Variants in VAPB observed in about 807,000 individuals in gnomAD.
VAPB encodes the protein vesicle-associated membrane protein-associated protein B/C.
VAPB carries 7 observed loss-of-function variants against 25.6 expected under a neutral mutation model. The observed-to-expected ratio is 0.27, with a 90% CI of 0.16 to 0.51. The LOEUF (loss-of-function observed/expected upper bound fraction) is 0.51. Among genes scored for constraint, VAPB ranks in the 20% least tolerant of loss-of-function variants. The pLI is 0.97. For synonymous variants in VAPB, 112 were observed against 109.2 expected (o/e 1.03, Z -0.16); for missense variants, 266 against 301.3 (o/e 0.88, Z 0.87).
chr20:58,420,937 A>G (rs983340188), intron 2 of VAPB, among the ~76,000 whole-genome samples: 2 of 152,226 alleles, frequency 1.3e-5, no homozygotes, highest in African/African-American at 4.8e-5. Context: ...TGGTATTAAT[A>G]CAGCTACATG....
Position 58,448,620 on chromosome 20 carries a change from T to C in VAPB, c.*4385T>C. On this transcript the variant is annotated 3_prime_UTR_variant, in exon 6 of 6. Transcript: ENST00000475243. ...TGAAAATCTGCTTCAGGGAAGTGAG[T>C]GGATGAGGCCTTCCTGCCTCAGCTA... 2.2e-6 allele frequency: 1 copy of C among 454,036 alleles called. No individual in the cohort carries two copies. Among genetic ancestry groups the C allele is most frequent in the Non-Finnish European group, 4.4e-6 (1 of 226,764 alleles). 28.1% of individuals were successfully genotyped at this position (454,036 alleles called of 1,614,324 possible). A position where few individuals can be genotyped will look rare whatever the true frequency, so the allele number is the denominator to read the frequency against.
intron 1 of VAPB, among the ~76,000 whole-genome samples, chr20:58,392,819 T>A (rs993545750): frequency 6.6e-6 from 1 of 152,316 alleles, no homozygotes; most frequent in Admixed American, 6.5e-5. Context: ...AATTTAAGGA[T>A]GTTACAGAAG....
chr20:58,409,115 A>G (rs1039749241), intron 1 of VAPB, among the ~76,000 whole-genome samples: 12 of 152,210 alleles, frequency 7.9e-5, no homozygotes, highest in Non-Finnish European at 2.9e-5. Context: ...TTGTTCATTC[A>G]GCAAATATAT....
Position 58,389,320 on chromosome 20 carries a change from C to T in VAPB, c.-140C>T. 1.2e-6 allele frequency: 1 copy of T among 855,080 alleles called. No individual in the cohort carries two copies. Among genetic ancestry groups the T allele is most frequent in the Non-Finnish European group, 1.9e-6 (1 of 538,120 alleles). The allele number at this position is 855,080 out of a possible 1,614,324, so 53.0% of individuals were successfully genotyped here. A position where few individuals can be genotyped will look rare whatever the true frequency, so the allele number is the denominator to read the frequency against. On this transcript the variant is annotated 5_prime_UTR_variant, in exon 1 of 6. Transcript: ENST00000475243. ...TAGACCGACCCCCCCCCAGCGCGCCCACCCGGTAGAGGACCCCCGCCCGTG... is the reference window on the plus strand; with the variant it reads ...TAGACCGACCCCCCCCCAGCGCGCCTACCCGGTAGAGGACCCCCGCCCGTG...
At chr20:58,428,478 C>T (rs1988856587) in intron 2 of VAPB, among the ~76,000 whole-genome samples, 1 of 152,056 alleles carries the variant, frequency 6.6e-6, no homozygotes, top group Admixed American at 6.6e-5. Flanking sequence ...TCTCAGGACC[C>T]CTTTAAATTC....
At chr20:58,406,501 C>G (rs1226805031) in intron 1 of VAPB, among the ~76,000 whole-genome samples, 1 of 152,212 alleles carries the variant, frequency 6.6e-6, no homozygotes, top group East Asian at 1.9e-4. Context: ...AGATTACACA[C>G]TAACTGATAA....
intron 1 of VAPB, among the ~76,000 whole-genome samples, chr20:58,413,800 C>A (rs1280775501): frequency 6.8e-6 from 1 of 147,722 alleles, no homozygotes; most frequent in Non-Finnish European, 1.5e-5. Flanking sequence ...CCCTCCCGGA[C>A]GGGGCAGCTG....
chr20:58,435,191 CT>C (rs1031603597), intron 3 of VAPB, among the ~76,000 whole-genome samples: 2 of 152,022 alleles, frequency 1.3e-5, no homozygotes, highest in African/African-American at 4.8e-5. Flanking sequence ...ATTTTCCCCC[CT>C]GCTTAAATCT....
At position 58,448,488 on chromosome 20, in the gene VAPB, CTGTT is replaced by C. The variant is rs1449329322; in HGVS notation, c.*4256_*4259del. ...AACTGTGACTGGGGGGTAGATGGCT[CTGTT>C]TGCATACGAAGAAATAAAGGCTCCA... is the stretch of plus-strand genomic sequence containing the variant. On this transcript the variant is annotated 3_prime_UTR_variant, in exon 6 of 6. Coordinates refer to ENST00000475243, the MANE Select transcript of VAPB (RefSeq NM_004738.5). 6 of 453,950 alleles carry C rather than the reference CTGTT, an allele frequency of 1.3e-5. No homozygotes were observed. Among genetic ancestry groups the C allele is most frequent in the Non-Finnish European group, 2.2e-5 (5 of 226,784 alleles). 28.1% of individuals were successfully genotyped at this position (453,950 alleles called of 1,614,324 possible).
chr20:58,421,285 T>G (rs901512541), intron 2 of VAPB, among the ~76,000 whole-genome samples: 1 of 152,236 alleles, frequency 6.6e-6, no homozygotes. Flanking sequence ...GTGGTACATT[T>G]GTACGTTCGT....
In VAPB at chr20:58,445,045, G is replaced by C. The variant is rs1220879033; in HGVS notation, c.*810G>C. ...CTCTGTTGGGTGAACTGGTATTGCT[G>C]CTGGAGGGCTGTGGGCTCCTCTGTC... On this transcript the variant is annotated 3_prime_UTR_variant, in exon 6 of 6. Transcript: ENST00000475243. 2.2e-6 allele frequency: 1 copy of C among 454,694 alleles called. No homozygotes were observed. The highest frequency in any genetic ancestry group is 2.0e-5 in the African/African-American group (1 of 49,988). 28.2% of individuals were successfully genotyped at this position (454,694 alleles called of 1,614,324 possible).
rs1326250176 is a variant in VAPB, at chr20:58,448,507, T to TA, written c.*4275dup. On this transcript the variant is annotated 3_prime_UTR_variant, in exon 6 of 6. Transcript: ENST00000475243. ...ATGGCTCTGTTTGCATACGAAGAAA[T>TA]AAAGGCTCCAGGAGGTTAAATCGGG... 1 of 454,030 alleles carries TA rather than the reference T, an allele frequency of 2.2e-6. No individual in the cohort carries two copies. The highest frequency in any genetic ancestry group is 7.0e-5 in the East Asian group (1 of 14,388). 28.1% of individuals were successfully genotyped at this position (454,030 alleles called of 1,614,324 possible).
At chr20:58,392,922 C>T (rs6092642) in intron 1 of VAPB, among the ~76,000 whole-genome samples, 1 of 152,160 alleles carries the variant, frequency 6.6e-6, no homozygotes, top group Non-Finnish European at 1.5e-5. Context: ...TGGTGGCTTC[C>T]TGAAAGAAGC....
At chr20:58,427,434 G>T (rs909392161) in intron 2 of VAPB, among the ~76,000 whole-genome samples, 4 of 151,000 alleles carry the variant, frequency 2.6e-5, no homozygotes, top group Admixed American at 2.6e-4. Flanking sequence ...TGATGCAGAC[G>T]AAAGTGATTC....
At position 58,445,056 on chromosome 20, in the gene VAPB, G is replaced by A. The variant is rs1237229734; in HGVS notation, c.*821G>A. Reference sequence around the variant, plus strand: ...GAACTGGTATTGCTGCTGGAGGGCTGTGGGCTCCTCTGTCTCTGGAGAGTC... The same window carrying A: ...GAACTGGTATTGCTGCTGGAGGGCTATGGGCTCCTCTGTCTCTGGAGAGTC... On this transcript the variant is annotated 3_prime_UTR_variant, in exon 6 of 6. Transcript: ENST00000475243. The A allele has an allele frequency of 4.4e-6, 2 of 454,698 alleles. No homozygotes were observed. Among genetic ancestry groups the A allele is most frequent in the Admixed American group, 4.7e-5 (2 of 42,560 alleles). 28.2% of individuals were successfully genotyped at this position (454,698 alleles called of 1,614,324 possible).
rs928611840 is a variant in VAPB at position 58,445,443 on chromosome 20, T to C, written c.*1208T>C. On this transcript the variant is annotated 3_prime_UTR_variant, in exon 6 of 6. Coordinates refer to ENST00000475243, the MANE Select transcript of VAPB (RefSeq NM_004738.5). ...CTTCAGCGAATCCTTCTAGTACTAG[T>C]TGAGAGTTTGACTGTGAATTAATTT... The C allele has an allele frequency of 6.6e-6, 3 of 454,222 alleles. No homozygotes were observed. 28.1% of individuals were successfully genotyped at this position (454,222 alleles called of 1,614,324 possible).
rs1294859355 is a variant in VAPB, at chr20:58,389,531, G to A, written c.58+14G>A. 3.2e-6 allele frequency: 5 copies of A among 1,574,616 alleles called. No individual in the cohort carries two copies. The highest frequency in any genetic ancestry group is 4.3e-6 in the Non-Finnish European group (5 of 1,161,610). ...TCAAATTCCGAGGTAAGCCCCAGAG[G>A]CCGCCACCTTCCTGCCCGCGGCCTC... On this transcript the variant is annotated intron_variant, in intron 1 of 5. Coordinates refer to ENST00000475243, the MANE Select transcript of VAPB (RefSeq NM_004738.5).
chr20:58,431,129 A>T (rs145945405), intron 2 of VAPB: 1 of 152,372 alleles, frequency 6.6e-6, no homozygotes, highest in East Asian at 1.9e-4. Context: ...GTGGAATCTG[A>T]AGCCATGTCT....
intron 1 of VAPB, among the ~76,000 whole-genome samples, chr20:58,401,980 C>T (rs117296744): frequency 0.057 from 8,614 of 152,216 alleles, 380 homozygotes; most frequent in Non-Finnish European, 0.084. Context: ...CATTTTCTCC[C>T]GCAACTGTAA....
Sources: gnomAD v4.1 joint callset for allele counts (sites outside exome capture counted in the v4.1 genomes callset) on GRCh38, gnomAD v4.1.1 for gene constraint, MANE v1.5 for transcripts, NCBI Gene and HGNC (gene_info 2026-07-23, HGNC 2026-07-21) for gene names.